The following NKAIN3 variants were observed in gnomAD, a reference collection of about 807,000 sequenced individuals.
The protein encoded by NKAIN3 is sodium/potassium-transporting ATPase subunit beta-1-interacting protein 3.
Under a neutral mutation model 30.2 loss-of-function variants are expected in NKAIN3, and 25 were observed. The observed-to-expected ratio is 0.83, with a 90% CI of 0.60 to 1.16. The LOEUF (loss-of-function observed/expected upper bound fraction) is 1.16. NKAIN3 is among the 50% of genes most tolerant of loss of function. The pLI is 0.00. For missense variants in NKAIN3, 225 were observed against 254.1 expected (o/e 0.89, Z 0.78); for synonymous variants, 91 against 89.6 (o/e 1.02, Z -0.09).
intron 1 of NKAIN3, among the ~76,000 whole-genome samples, chr8:62,515,103 A>T (rs966409829): frequency 6.6e-6 from 1 of 152,136 alleles, no homozygotes; most frequent in South Asian, 2.1e-4. Context: ...ACTGTAATAC[A>T]TCATGACAAT....
At chr8:62,912,907 C>T (rs1050336090) in intron 4 of NKAIN3, among the ~76,000 whole-genome samples, 3 of 151,490 alleles carry the variant, frequency 2.0e-5, no homozygotes, top group Non-Finnish European at 4.4e-5. Flanking sequence ...AAAACTCTGT[C>T]TCAAAAAAAA....
Position 62,400,299 on chromosome 8 carries a change from G to C in NKAIN3, c.54+151172G>C, listed in dbSNP as rs559128415. Among the ~76,000 whole-genome samples the C allele has an allele frequency of 6.6e-5, 10 of 151,168 alleles. 1 individual carries two copies. Among genetic ancestry groups the C allele is most frequent in the African/African-American group, 2.4e-4 (10 of 41,138 alleles). ...TCCTGCCTCAGCCACCCGCCCCCCA[G>C]TAGCTGGGATTACAGGCCTGCACCA... On this transcript the variant is annotated intron_variant, in intron 1 of 6. Coordinates refer to ENST00000623646, the MANE Select transcript of NKAIN3 (RefSeq NM_001304533.3).
chr8:62,975,338 A>C lies in NKAIN3; in HGVS notation c.*9931A>C, dbSNP rs533577318. On this transcript the variant is annotated 3_prime_UTR_variant, in exon 7 of 7. Coordinates refer to ENST00000623646, the MANE Select transcript of NKAIN3 (RefSeq NM_001304533.3). ...AGCTATTAATTACTGCCTCAATTTC[A>C]GAACTTGTTATTGGTCTATTCAGGG... is the stretch of plus-strand genomic sequence containing the variant. 2.6e-5 allele frequency among the ~76,000 whole-genome samples: 4 copies of C among 152,102 alleles called. No individual in the cohort carries two copies. The East Asian group carries it at 7.7e-4, about 29-fold the overall frequency.
At chr8:62,882,764 G>A (rs1821025286) in intron 4 of NKAIN3, among the ~76,000 whole-genome samples, 1 of 151,726 alleles carries the variant, frequency 6.6e-6, no homozygotes, top group Non-Finnish European at 1.5e-5. Flanking sequence ...TCATATTTTT[G>A]CATATGGATG....
chr8:62,480,898 T>A (rs149847558), intron 1 of NKAIN3, among the ~76,000 whole-genome samples: 4 of 152,058 alleles, frequency 2.6e-5, no homozygotes. Context: ...AATGGAGTCA[T>A]TCTTCAGGGA....
intron 1 of NKAIN3, among the ~76,000 whole-genome samples, chr8:62,266,035 C>T (rs59348445): frequency 0.015 from 2,232 of 152,216 alleles, 50 homozygotes; most frequent in African/African-American, 0.049. Flanking sequence ...TCTCTTCACC[C>T]TCCTTCTCTC....
intron 1 of NKAIN3, among the ~76,000 whole-genome samples, chr8:62,277,966 C>A (rs1034956196): frequency 6.6e-6 from 1 of 152,004 alleles, no homozygotes; most frequent in Non-Finnish European, 1.5e-5. Context: ...GAACCTGGAG[C>A]CCAACCGGAG....
chr8:62,841,579 A>G (rs1819533224), intron 4 of NKAIN3, among the ~76,000 whole-genome samples: 1 of 152,122 alleles, frequency 6.6e-6, no homozygotes, highest in South Asian at 2.1e-4. Flanking sequence ...AGTAGTATTT[A>G]TCTTTCTGTG....
chr8:62,451,109 A>G (rs1330500684), intron 1 of NKAIN3, among the ~76,000 whole-genome samples: 3 of 152,184 alleles, frequency 2.0e-5, no homozygotes, highest in African/African-American at 7.2e-5. Context: ...TCTTTGGAGA[A>G]TAGGCAGCTA....
chr8:62,900,997 T>C (rs1000393533), intron 4 of NKAIN3, among the ~76,000 whole-genome samples: 2 of 152,104 alleles, frequency 1.3e-5, no homozygotes, highest in African/African-American at 4.8e-5. Flanking sequence ...ATGGAACCCC[T>C]TGAATCCCTG....
At chr8:62,545,498 G>A (rs895544567) in intron 1 of NKAIN3, among the ~76,000 whole-genome samples, 7 of 152,172 alleles carry the variant, frequency 4.6e-5, no homozygotes, top group Non-Finnish European at 1.5e-5. Flanking sequence ...GAACCTGGGA[G>A]GTGGAGGTTG....
At chr8:62,686,540 A>G (rs1319043272) in intron 3 of NKAIN3, among the ~76,000 whole-genome samples, 1 of 152,208 alleles carries the variant, frequency 6.6e-6, no homozygotes, top group African/African-American at 2.4e-5. Flanking sequence ...TGGGGGAAAC[A>G]GAAGGGTGTA....
intron 1 of NKAIN3, among the ~76,000 whole-genome samples, chr8:62,575,205 T>C (rs1405910491): frequency 6.6e-6 from 1 of 152,088 alleles, no homozygotes; most frequent in East Asian, 1.9e-4. Context: ...TGATATGATT[T>C]TATATTTGGG....
At chr8:62,520,116 A>AG (rs1319592205) in intron 1 of NKAIN3, among the ~76,000 whole-genome samples, 1 of 152,134 alleles carries the variant, frequency 6.6e-6, no homozygotes. Context: ...CACCCACCTT[A>AG]GATTTGTAGC....
chr8:62,867,067 A>AAAG (rs1820446387), intron 4 of NKAIN3, among the ~76,000 whole-genome samples: 1 of 148,652 alleles, frequency 6.7e-6, no homozygotes. Context: ...AAAAAAAAAA[A>AAAG]AATTAAACTG....
At chr8:62,515,331 A>G (rs1255017624) in intron 1 of NKAIN3, among the ~76,000 whole-genome samples, 1 of 152,184 alleles carries the variant, frequency 6.6e-6, no homozygotes, top group East Asian at 1.9e-4. Context: ...ATATATGTGT[A>G]TATTTTAATG....
At chr8:62,285,602 G>A (rs1813356200) in intron 1 of NKAIN3, among the ~76,000 whole-genome samples, 1 of 152,096 alleles carries the variant, frequency 6.6e-6, no homozygotes, top group Admixed American at 6.6e-5. Flanking sequence ...TCCTCAGAGT[G>A]ACTCTCAGAG....
intron 3 of NKAIN3, among the ~76,000 whole-genome samples, chr8:62,622,811 A>C (rs1811659684): frequency 6.6e-6 from 1 of 152,002 alleles, no homozygotes; most frequent in Non-Finnish European, 1.5e-5. Context: ...TACTGGTAGT[A>C]CTTTTGATGT....
At chr8:62,395,800 G>A (rs189911829) in intron 1 of NKAIN3, among the ~76,000 whole-genome samples, 2 of 152,116 alleles carry the variant, frequency 1.3e-5, no homozygotes, top group Non-Finnish European at 2.9e-5. Context: ...ATACATATTA[G>A]AAGATAGAAA....
Sources: gnomAD v4.1 joint callset for allele counts (sites outside exome capture counted in the v4.1 genomes callset) on GRCh38, gnomAD v4.1.1 for gene constraint, MANE v1.5 for transcripts, NCBI Gene and HGNC (gene_info 2026-07-23, HGNC 2026-07-21) for gene names.